The following GSE1 variants were observed in gnomAD, a reference collection of about 807,000 sequenced individuals.
The protein encoded by GSE1 is genetic suppressor element 1.
In GSE1, 32 loss-of-function variants were observed where a neutral mutation model predicts 112.6. The observed-to-expected ratio is 0.28, with a 90% CI of 0.21 to 0.38. GSE1 has a LOEUF of 0.38. Among genes scored for constraint, GSE1 ranks in the 10% least tolerant of loss-of-function variants. The pLI is 1.00. For missense variants in GSE1, 2,348 were observed against 1,699.2 expected (o/e 1.38, Z -6.71); for synonymous variants, 1,115 against 735.6 (o/e 1.52, Z -8.35).
At chr16:85,361,608 G>A (rs1399742351) in intron 2 of GSE1, among the ~76,000 whole-genome samples, 3 of 152,186 alleles carry the variant, frequency 2.0e-5, no homozygotes, top group Non-Finnish European at 4.4e-5. Context: ...GGCAGGTGGC[G>A]CGACTGTAAC....
At chr16:85,669,997 T>C (rs973902879) in intron 14 of GSE1, among the ~76,000 whole-genome samples, 7 of 152,254 alleles carry the variant, frequency 4.6e-5, no homozygotes, top group Admixed American at 4.6e-4. Context: ...TAGGATCGCC[T>C]TATATTCACC....
intron 11 of GSE1, chr16:85,664,792 T>C (rs559811525): frequency 2.0e-6 from 1 of 509,898 alleles, no homozygotes; most frequent in African/African-American, 1.9e-5. Flanking sequence ...GACAGCTGTC[T>C]TTGGAGCACG....
chr16:85,476,495 G>T (rs2050459794), intron 2 of GSE1, among the ~76,000 whole-genome samples: 2 of 152,194 alleles, frequency 1.3e-5, no homozygotes, highest in Admixed American at 6.5e-5. Context: ...CATGGCGGTT[G>T]CTGCCCATGC....
Position 85,648,685 on chromosome 16 carries a change from C to G in GSE1, c.360C>G (p.Thr120=). 1 of 1,606,862 alleles carries G rather than the reference C, an allele frequency of 6.2e-7. No individual in the cohort carries two copies. The stretch of plus-strand genomic sequence containing the variant: ...CTGGGGGCCACAGCGTGCCCAGCAC[C>G]CCCCCCGTGGTGACCATCGCTCCAA... The part of the protein sequence containing the change: ...VPPGGHSVPS[T]PPVVTIAPTK... Residue 120 remains threonine (T), a synonymous_variant, in exon 3 of 16, where the codon ACC becomes ACG. Coordinates refer to ENST00000253458, the MANE Select transcript of GSE1 (RefSeq NM_014615.5).
At chr16:85,404,621 TC>T (rs2048225830) in intron 2 of GSE1, among the ~76,000 whole-genome samples, 1 of 56,788 alleles carries the variant, frequency 1.8e-5, no homozygotes, top group African/African-American at 1.0e-4. Context: ...ACCGTTACAC[TC>T]AGGGCCCCCC....
chr16:85,207,813 G>A (rs746746373), intron 1 of GSE1: 6 of 152,254 alleles, frequency 3.9e-5, no homozygotes, highest in South Asian at 2.1e-4. Context: ...CGGTCACCAC[G>A]CGCCGTGCTG....
upstream of GSE1, chr16:85,555,941 C>T (rs2045188095): frequency 2.0e-6 from 2 of 983,556 alleles, no homozygotes; most frequent in African/African-American, 1.8e-5. Flanking sequence ...TTCCCTCCGC[C>T]GCGCTCCCCC....
At chr16:85,299,610 G>C (rs1260738437) in intron 1 of GSE1, among the ~76,000 whole-genome samples, 1 of 152,202 alleles carries the variant, frequency 6.6e-6, no homozygotes, top group African/African-American at 2.4e-5. Flanking sequence ...CAGAAATTAA[G>C]CAGTTTTAAC....
chr16:85,338,196 T>G lies in GSE1; in HGVS notation c.2284-19267T>G, dbSNP rs776873734. On this transcript the variant is annotated intron_variant, in intron 1 of 2. Transcript: ENST00000637419. ...CTGGGCGTTGCCTGCTTCATCCTCC[T>G]TTCTCATCTCTGCACCGGCAGATCT... is the stretch of plus-strand genomic sequence containing the variant. 1.8e-3 allele frequency among the ~76,000 whole-genome samples: 271 copies of G among 152,232 alleles called. 2 individuals carry two copies. The highest frequency in any genetic ancestry group is 2.8e-3 in the Non-Finnish European group (193 of 68,034).
At position 85,674,895 on chromosome 16, in the gene GSE1, C is replaced by T. The variant is rs781262115; in HGVS notation, c.*2356C>T. On this transcript the variant is annotated 3_prime_UTR_variant, in exon 16 of 16. Coordinates refer to ENST00000253458, the MANE Select transcript of GSE1 (RefSeq NM_014615.5). ...TCCCCATCCTTCCACCTACTTGTGG[C>T]GATCTGAGTACTCTACTCTTGCTCA... 36 of 152,650 alleles carry T rather than the reference C, an allele frequency of 2.4e-4. No homozygotes were observed. The highest frequency in any genetic ancestry group is 2.5e-4 in the Non-Finnish European group (17 of 68,044). The allele number at this position is 152,650 out of a possible 1,614,324, so 9.5% of individuals were successfully genotyped here.
At chr16:85,272,777 CT>C (rs1204820536) in intron 1 of GSE1, among the ~76,000 whole-genome samples, 8,953 of 131,362 alleles carry the variant, frequency 0.068, 895 homozygotes, top group African/African-American at 0.23. Flanking sequence ...CTTCTCTTTT[CT>C]TTTTTTTTTT....
chr16:85,479,233 C>T (rs577765920), intron 2 of GSE1, among the ~76,000 whole-genome samples: 41 of 129,312 alleles, frequency 3.2e-4, no homozygotes, highest in African/African-American at 1.2e-3. Context: ...GGGGTTTCAC[C>T]GTGTTAGCCA....
intron 11 of GSE1, chr16:85,664,695 T>C (rs1035984370): frequency 3.4e-5 from 8 of 237,118 alleles, no homozygotes; most frequent in Non-Finnish European, 3.3e-5. Context: ...GGGGCCACCT[T>C]GTCTGACTTG....
intron 1 of GSE1, among the ~76,000 whole-genome samples, chr16:85,328,793 GCGTCCCCGCCCC>G (rs2046278588): frequency 7.3e-6 from 1 of 136,632 alleles, no homozygotes; most frequent in East Asian, 2.1e-4. Flanking sequence ...TTGCGGCTGG[GCGTCCCCGCCCC>G]GGGGCCTCCC....
intron 2 of GSE1, among the ~76,000 whole-genome samples, chr16:85,379,724 C>A (rs2047503827): frequency 6.6e-6 from 1 of 152,244 alleles, no homozygotes; most frequent in Non-Finnish European, 1.5e-5. Flanking sequence ...CCGGAGTCCC[C>A]TCAGCCTGGC....
rs187204681 is a variant in GSE1 at position 85,477,145 on chromosome 16, C to T, written c.2464+119502C>T. On this transcript the variant is annotated intron_variant, in intron 2 of 2. Coordinates refer to the GSE1 transcript ENST00000637419. ...GTTTCGCCATGTTGGCCAGGGTGGTCGGGTGATCCGCCTGCCTTGGCCTCC... is the reference window on the plus strand; with the variant it reads ...GTTTCGCCATGTTGGCCAGGGTGGTTGGGTGATCCGCCTGCCTTGGCCTCC... 5.3e-5 allele frequency among the ~76,000 whole-genome samples: 8 copies of T among 152,166 alleles called. No individual in the cohort carries two copies. The East Asian group carries it at 1.2e-3, about 22-fold the overall frequency.
intron 2 of GSE1, among the ~76,000 whole-genome samples, chr16:85,361,252 AC>A (rs2047072187): frequency 2.3e-5 from 3 of 129,250 alleles, no homozygotes; most frequent in Admixed American, 8.4e-5. Context: ...ACAGGCACAG[AC>A]CCCCCACACA....
At chr16:85,170,060 C>CCGACCCTCT in exon 1 of GSE1, 2 of 984,912 alleles carry the variant, frequency 2.0e-6, no homozygotes, top group Non-Finnish European at 2.4e-6. Flanking sequence ...CTGTCGGACA[C>CCGACCCTCT]CGACCCCCTT....
intron 2 of GSE1, among the ~76,000 whole-genome samples, chr16:85,425,908 G>A (rs932877030): frequency 6.6e-6 from 1 of 152,236 alleles, no homozygotes; most frequent in South Asian, 2.1e-4. Context: ...GCATGGAGCG[G>A]TGGAGTTTCC....
Sources: gnomAD v4.1 joint callset for allele counts (sites outside exome capture counted in the v4.1 genomes callset) on GRCh38, gnomAD v4.1.1 for gene constraint, MANE v1.5 for transcripts, NCBI Gene and HGNC (gene_info 2026-07-23, HGNC 2026-07-21) for gene names.